Variants in NRG3 observed in about 807,000 individuals in gnomAD.
NRG3 encodes the protein pro-neuregulin-3, membrane-bound isoform.
A neutral mutation model predicts 66.9 loss-of-function variants in NRG3; 31 were observed. The observed-to-expected ratio is 0.46, with a 90% CI of 0.35 to 0.63. The LOEUF is 0.63. Ranked by LOEUF, NRG3 falls within the 20% of genes least tolerant of loss-of-function variation. The pLI, the probability that NRG3 is intolerant of heterozygous loss-of-function variation, is 0.00. For missense variants in NRG3, 910 were observed against 878.9 expected, an observed-to-expected ratio of 1.04 and a Z score of -0.45; for synonymous variants, 393 against 359.4, an observed-to-expected ratio of 1.09 and a Z score of -1.06.
chr10:82,981,417 T>G (rs1852883013), intron 8 of NRG3, among the ~76,000 whole-genome samples: 1 of 152,188 alleles, frequency 6.6e-6, no homozygotes. Context: ...TTCTCAGTTC[T>G]TAAAAACAGC....
At chr10:82,434,622 T>C (rs991233155) in intron 2 of NRG3, among the ~76,000 whole-genome samples, 5 of 152,176 alleles carry the variant, frequency 3.3e-5, no homozygotes, top group African/African-American at 7.2e-5. Flanking sequence ...ATATGTTCCA[T>C]CAATACCTGG....
At chr10:82,971,680 G>T (rs1851754755) in intron 6 of NRG3, among the ~76,000 whole-genome samples, 1 of 151,996 alleles carries the variant, frequency 6.6e-6, no homozygotes, top group South Asian at 2.1e-4. Flanking sequence ...CAGGTGATCT[G>T]CCTGCCTCAG....
chr10:82,451,605 CAGA>C (rs2091021403), intron 2 of NRG3, among the ~76,000 whole-genome samples: 1 of 152,128 alleles, frequency 6.6e-6, no homozygotes, highest in Non-Finnish European at 1.5e-5. Context: ...TTTAACTTCT[CAGA>C]GGAAGAGCAG....
At chr10:82,404,972 A>G (rs2087391439) in intron 2 of NRG3, among the ~76,000 whole-genome samples, 1 of 152,132 alleles carries the variant, frequency 6.6e-6, no homozygotes, top group African/African-American at 2.4e-5. Flanking sequence ...TCACTCATCC[A>G]ACCGCTTAAG....
chr10:81,953,738 A>T (rs1849578745), intron 1 of NRG3, among the ~76,000 whole-genome samples: 1 of 152,170 alleles, frequency 6.6e-6, no homozygotes, highest in Non-Finnish European at 1.5e-5. Flanking sequence ...AATAAAACAT[A>T]TCACCAGAGT....
In NRG3 at chr10:82,961,502, A is replaced by G. The variant is rs534500314; in HGVS notation, c.1284+2427A>G. On this transcript the variant is annotated intron_variant, in intron 6 of 8. Transcript: ENST00000372141. ...AAGGTATGTCTGTCAGACAGCTAGT[A>G]AGTAGCTGAAAGACAAACCAACATC... Among the ~76,000 whole-genome samples the G allele has an allele frequency of 7.9e-5, 12 of 152,358 alleles. No individual in the cohort carries two copies. The South Asian group carries it at 1.2e-3, about 16-fold the overall frequency.
intron 1 of NRG3, among the ~76,000 whole-genome samples, chr10:82,161,373 T>G (rs1033264392): frequency 6.6e-6 from 1 of 152,116 alleles, no homozygotes; most frequent in Non-Finnish European, 1.5e-5. Flanking sequence ...GTTCCAACTT[T>G]AAGGAGCATG....
At chr10:82,449,103 C>T (rs756344963) in intron 2 of NRG3, among the ~76,000 whole-genome samples, 11 of 152,280 alleles carry the variant, frequency 7.2e-5, no homozygotes, top group South Asian at 2.1e-4. Flanking sequence ...AGCAAAGACT[C>T]TTTCTGCGAG....
chr10:82,491,298 A>T (rs1590328923), intron 2 of NRG3, among the ~76,000 whole-genome samples: 1 of 130,524 alleles, frequency 7.7e-6, no homozygotes, highest in African/African-American at 2.6e-5. Flanking sequence ...CATAAAATAT[A>T]TATATATATA....
chr10:82,198,144 A>G (rs946110374), intron 1 of NRG3, among the ~76,000 whole-genome samples: 7 of 152,214 alleles, frequency 4.6e-5, no homozygotes, highest in Admixed American at 2.0e-4. Context: ...TTTTATTTTC[A>G]TTAAAAAATA....
At chr10:82,963,946 G>C (rs1205922499) in intron 6 of NRG3, among the ~76,000 whole-genome samples, 4 of 152,132 alleles carry the variant, frequency 2.6e-5, no homozygotes, top group African/African-American at 9.7e-5. Flanking sequence ...AGAGTGAATT[G>C]AAAATCATGG....
chr10:82,327,847 T>G (rs2135230890), intron 1 of NRG3, among the ~76,000 whole-genome samples: 1 of 152,310 alleles, frequency 6.6e-6, no homozygotes, highest in African/African-American at 2.4e-5. Context: ...GTGTGGTTTC[T>G]CCAGTGGTCT....
chr10:82,486,382 G>T (rs1842679680), intron 2 of NRG3, among the ~76,000 whole-genome samples: 1 of 152,032 alleles, frequency 6.6e-6, no homozygotes, highest in Admixed American at 6.6e-5. Flanking sequence ...ATTGGCAGGT[G>T]AATGGACAAA....
At chr10:82,700,489 G>T (rs1655630657) in intron 2 of NRG3, among the ~76,000 whole-genome samples, 1 of 152,174 alleles carries the variant, frequency 6.6e-6, no homozygotes, top group Non-Finnish European at 1.5e-5. Context: ...ATGAAGAAAA[G>T]AATTGCAGCT....
intron 6 of NRG3, among the ~76,000 whole-genome samples, chr10:82,960,814 C>T (rs1352745653): frequency 6.6e-6 from 1 of 152,164 alleles, no homozygotes; most frequent in Non-Finnish European, 1.5e-5. Context: ...ACCCCCACCC[C>T]TGCCCACCAG....
intron 2 of NRG3, among the ~76,000 whole-genome samples, chr10:82,513,640 T>A (rs1382580815): frequency 6.6e-6 from 1 of 152,028 alleles, no homozygotes; most frequent in Non-Finnish European, 1.5e-5. Flanking sequence ...ATTAGCTGGG[T>A]GTGGTGGCAC....
chr10:82,818,620 G>A (rs1028702030), intron 3 of NRG3, among the ~76,000 whole-genome samples: 1 of 152,066 alleles, frequency 6.6e-6, no homozygotes, highest in Admixed American at 6.5e-5. Context: ...GAGGGTGGGG[G>A]AGTCTTTCTT....
At chr10:82,630,280 T>G (rs953621747) in intron 2 of NRG3, among the ~76,000 whole-genome samples, 2 of 151,034 alleles carry the variant, frequency 1.3e-5, no homozygotes, top group African/African-American at 4.9e-5. Flanking sequence ...AGAACAGCAA[T>G]ATGAAAATCT....
chr10:82,652,381 G>A (rs1287152246), intron 2 of NRG3, among the ~76,000 whole-genome samples: 1 of 152,110 alleles, frequency 6.6e-6, no homozygotes, highest in Non-Finnish European at 1.5e-5. Context: ...GGATTTTATT[G>A]CCAATGAAAG....
Sources: gnomAD v4.1 joint callset for allele counts (sites outside exome capture counted in the v4.1 genomes callset) on GRCh38, gnomAD v4.1.1 for gene constraint, MANE v1.5 for transcripts, NCBI Gene and HGNC (gene_info 2026-07-23, HGNC 2026-07-21) for gene names.